Variants in DGKZ observed in about 807,000 individuals in gnomAD.
DGKZ encodes the protein DAG kinase zeta.
A neutral mutation model predicts 142.5 loss-of-function variants in DGKZ; 45 were observed. The ratio of observed to expected loss-of-function variants is 0.32; its 90% confidence interval spans 0.25 to 0.40. DGKZ has a LOEUF of 0.40. Ranked by LOEUF, DGKZ falls within the 10% of genes least tolerant of loss-of-function variation. The probability of loss-of-function intolerance (pLI) is 1.00; values close to 1 mark genes in which losing one functional copy is unlikely to be tolerated. For missense variants in DGKZ, 755 were observed against 1,306.5 expected (o/e 0.58, Z 6.51); for synonymous variants, 442 against 527.0 (o/e 0.84, Z 2.21).
Position 46,367,959 on chromosome 11 carries a change from G to T in DGKZ, c.367-43G>T. On this transcript the variant is annotated intron_variant, in intron 3 of 30. Coordinates refer to ENST00000527911, the Ensembl canonical transcript of DGKZ. This position sits in a 1 kb window ranked among gnomAD's most constrained non-coding sequence, Gnocchi z 4.1. ...GCTGGGGCAGGCAGCCTCCGAGATA[G>T]ACTTACCTGGTGCCTCAGGGGCCCT... 1 of 1,608,822 alleles carries T rather than the reference G, an allele frequency of 6.2e-7. No individual in the cohort carries two copies. The highest frequency in any genetic ancestry group is 1.1e-5 in the South Asian group (1 of 90,908).
chr11:46,378,342 C>T, intron 26 of DGKZ, 113 bp downstream of exon 26: 1 of 1,538,944 alleles, frequency 6.5e-7, no homozygotes, highest in Non-Finnish European at 8.8e-7. Flanking sequence ...CTTTGAGCTT[C>T]ACGCACCAAC....
chr11:46,345,472 C>T, upstream of DGKZ: 1 of 1,503,432 alleles, frequency 6.7e-7, no homozygotes, highest in Non-Finnish European at 8.9e-7. This position sits in a 1 kb window ranked among gnomAD's most constrained non-coding sequence, Gnocchi z 4.1. Context: ...CAGCTCTGGG[C>T]CCAGTGGAGG....
Position 46,374,253 on chromosome 11 carries a change from G to C in DGKZ, c.1405+18G>C. On this transcript the variant is annotated intron_variant, in intron 15 of 30. Transcript: ENST00000527911. ...GTCTCGAGGTTGGCAGCCTCCCACT[G>C]AGGCCAGGGCAGGGTGGGCACAGGA... is the stretch of plus-strand genomic sequence containing the variant. 6.2e-7 allele frequency: 1 copy of C among 1,613,942 alleles called. No homozygotes were observed. The highest frequency in any genetic ancestry group is 1.3e-5 in the African/African-American group (1 of 75,046).
chr11:46,373,195 C>T, intron 14 of DGKZ, 94 bp downstream of exon 14: 5 of 1,374,048 alleles, frequency 3.6e-6, no homozygotes, highest in Non-Finnish European at 4.8e-6. Context: ...GGGCGTGTCT[C>T]TTCATTTCTC....
rs181055534 is a variant in DGKZ, at chr11:46,369,345, A to T, written c.445-149A>T. On this transcript the variant is annotated intron_variant, in intron 4 of 30. Transcript: ENST00000527911. ...GAGAGGCAGGAGGGCTTCTCACAGG[A>T]GGTGTCTCGTGTTTCAAGGACTCTC... 4.8e-6 allele frequency: 4 copies of T among 825,342 alleles called. No homozygotes were observed. In the Admixed American group the frequency reaches 8.0e-5, roughly 16 times the overall value. 51.1% of individuals were successfully genotyped at this position (825,342 alleles called of 1,614,324 possible). A position where few individuals can be genotyped will look rare whatever the true frequency, so the allele number is the denominator to read the frequency against.
chr11:46,344,375 A>G (rs1940431772), upstream of DGKZ, among the ~76,000 whole-genome samples: 3 of 152,084 alleles, frequency 2.0e-5, no homozygotes, highest in South Asian at 6.2e-4. Context: ...AAGGCATTCA[A>G]TAAGTATTTA....
At chr11:46,345,368 C>T (rs573918067), upstream of DGKZ, 14 of 1,400,454 alleles carry the variant, frequency 1.0e-5, no homozygotes, top group East Asian at 4.2e-4. This position sits in a 1 kb window ranked among gnomAD's most constrained non-coding sequence, Gnocchi z 4.1. Context: ...GACCCCACCC[C>T]CGTCAGGAAG....
Position 46,374,667 on chromosome 11 carries a change from G to C in DGKZ, c.1524+1G>C, listed in dbSNP as rs1483962351. On this transcript the variant is annotated splice_donor_variant, in intron 17 of 30. Transcript: ENST00000527911. LOFTEE classifies it high-confidence loss of function. ...CCTGGCCAAGCACATCCGAGTGGTG[G>C]TGAGCGGGGCCAGGCTGCCGTGGGT... 6.3e-7 allele frequency: 1 copy of C among 1,596,358 alleles called. No homozygotes were observed. The highest frequency in any genetic ancestry group is 8.5e-7 in the Non-Finnish European group (1 of 1,170,268).
rs768760660 is a variant in DGKZ at position 46,376,486 on chromosome 11, T to C, written c.2162-38T>C. Reference sequence around the variant, plus strand: ...GCAGCAGAGGACCTGGGCCTGGACATGGCACTCCCTGATCCTCAGCTGCCC... The same window carrying C: ...GCAGCAGAGGACCTGGGCCTGGACACGGCACTCCCTGATCCTCAGCTGCCC... On this transcript the variant is annotated intron_variant, in intron 23 of 30. Transcript: ENST00000527911. 1.9e-6 allele frequency: 3 copies of C among 1,613,662 alleles called. No individual in the cohort carries two copies. In the South Asian group the frequency reaches 3.3e-5, roughly 18 times the overall value.
At chr11:46,380,042 G>A (rs1442210706) in exon 31 of DGKZ, 4 of 1,236,786 alleles carry the variant, frequency 3.2e-6, no homozygotes, top group Non-Finnish European at 4.5e-6. Context: ...GACGGCCACG[G>A]GGGGACCTAG....
chr11:46,333,171 C>T (rs999435979), exon 1 of DGKZ: 1 of 1,035,690 alleles, frequency 9.7e-7, no homozygotes, highest in Admixed American at 4.4e-5. Context: ...ACCCGGCGCT[C>T]CCCTCCCTCC....
chr11:46,336,867 TA>T (rs1159928590), intron 1 of DGKZ, among the ~76,000 whole-genome samples: 1 of 152,112 alleles, frequency 6.6e-6, no homozygotes, highest in Non-Finnish European at 1.5e-5. Context: ...CAGATTTTGT[TA>T]AAATTAGCTG....
exon 8 of DGKZ, chr11:46,371,526 G>A (rs747019540): frequency 5.6e-6 from 9 of 1,609,706 alleles, no homozygotes; most frequent in Admixed American, 3.3e-5. Flanking sequence ...GCAGCAGATC[G>A]AGGAGCCGTG....
At chr11:46,366,713 T>C in intron 1 of DGKZ, 1 of 1,559,042 alleles carries the variant, frequency 6.4e-7, no homozygotes, top group East Asian at 2.4e-5. Context: ...CCAGCCGCTG[T>C]TGCCCCTACC....
At chr11:46,378,219 A>G in exon 26 of DGKZ, 3 of 1,608,622 alleles carry the variant, frequency 1.9e-6, no homozygotes, top group Non-Finnish European at 2.5e-6. Context: ...GGGATGCTGC[A>G]CCCCCTCAAG....
At chr11:46,378,824 C>A in intron 27 of DGKZ, 167 bp from the exon 28 acceptor site, 1 of 1,192,172 alleles carries the variant, frequency 8.4e-7, no homozygotes, top group Non-Finnish European at 1.2e-6. Context: ...AGAGGCCCCT[C>A]CTCCGGTGTG....
intron 1 of DGKZ, among the ~76,000 whole-genome samples, chr11:46,350,402 G>A (rs973963635): frequency 2.0e-5 from 3 of 152,182 alleles, no homozygotes; most frequent in African/African-American, 7.2e-5. Flanking sequence ...CGAAGCCCCA[G>A]CTGAAACCAG....
intron 16 of DGKZ, 47 bp downstream of exon 16, chr11:46,374,501 C>T (rs199737985): frequency 3.4e-5 from 55 of 1,613,300 alleles, no homozygotes; most frequent in African/African-American, 1.7e-4. Flanking sequence ...TTCTACCACC[C>T]GTGCCCGTGC....
rs1234307275 is a variant in DGKZ, at chr11:46,347,905, G to A, written c.161+85G>A. On this transcript the variant is annotated intron_variant, in intron 1 of 30. Coordinates refer to ENST00000527911, the Ensembl canonical transcript of DGKZ. The surrounding 1 kb of genome is among the most constrained non-coding windows in gnomAD (Gnocchi z 6.4). The stretch of plus-strand genomic sequence containing the variant: ...GGGGGACATTCCTCGGCCACTGGGG[G>A]TCCGGGCCACTTCGGTACTGACACT... The A allele has an allele frequency of 7.9e-7, 1 of 1,262,860 alleles. No individual in the cohort carries two copies. Among genetic ancestry groups the A allele is most frequent in the Non-Finnish European group, 1.0e-6 (1 of 1,001,826 alleles). 78.2% of individuals were successfully genotyped at this position (1,262,860 alleles called of 1,614,324 possible). A position where few individuals can be genotyped will look rare whatever the true frequency, so the allele number is the denominator to read the frequency against.
Sources: allele counts gnomAD v4.1 joint callset (sites outside exome capture counted in the v4.1 genomes callset), GRCh38; gene constraint gnomAD v4.1.1; non-coding constraint Gnocchi (gnomAD v3.1); transcripts MANE v1.5; gene names NCBI Gene and HGNC (gene_info 2026-07-23, HGNC 2026-07-21).